The following MROH9 variants were observed in gnomAD, a reference collection of about 807,000 sequenced individuals.
MROH9 encodes the protein maestro heat-like repeat-containing protein family member 9.
In MROH9, 92 loss-of-function variants were observed where a neutral mutation model predicts 98.2. The ratio of observed to expected loss-of-function variants is 0.94; its 90% CI spans 0.79 to 1.11. MROH9 has a LOEUF of 1.11. Ranked by LOEUF, MROH9 falls within the 50% of genes most tolerant of loss-of-function variation. The pLI is 0.00. For missense variants in MROH9, 1,057 were observed against 1,014.8 expected (o/e 1.04, Z -0.57); for synonymous variants, 397 against 368.9 (o/e 1.08, Z -0.87).
At chr1:170,970,406 G>A (rs1333531035) in intron 7 of MROH9, among the ~76,000 whole-genome samples, 1 of 151,760 alleles carries the variant, frequency 6.6e-6, no homozygotes, top group Non-Finnish European at 1.5e-5. Flanking sequence ...AAAAAACTTG[G>A]AATGCAAACC....
chr1:170,968,575 A>G (rs1037436671), intron 7 of MROH9, among the ~76,000 whole-genome samples: 2 of 152,074 alleles, frequency 1.3e-5, no homozygotes, highest in Non-Finnish European at 2.9e-5. Flanking sequence ...AAATAAAGAA[A>G]AAATTACTAT....
intron 1 of MROH9, among the ~76,000 whole-genome samples, chr1:170,942,965 G>A (rs924738763): frequency 1.3e-5 from 2 of 152,088 alleles, no homozygotes; most frequent in Non-Finnish European, 2.9e-5. Flanking sequence ...AAAGCCAAAA[G>A]AGCAAATTTA....
At chr1:171,013,075 T>G (rs1652214767) in intron 15 of MROH9, among the ~76,000 whole-genome samples, 1 of 152,190 alleles carries the variant, frequency 6.6e-6, no homozygotes, top group Non-Finnish European at 1.5e-5. Context: ...CCTTTGCACA[T>G]GGTTCACCAT....
At chr1:171,064,026 G>C (rs1654092751) in intron 21 of MROH9, 73 bp from the exon 22 acceptor site, 7 of 1,415,022 alleles carry the variant, frequency 4.9e-6, no homozygotes, top group Non-Finnish European at 6.6e-6. Flanking sequence ...AGGTGGCAGG[G>C]CTGTTTAGTA....
At chr1:170,959,814 G>A (rs562131868) in intron 5 of MROH9, among the ~76,000 whole-genome samples, 6 of 152,286 alleles carry the variant, frequency 3.9e-5, no homozygotes, top group African/African-American at 9.6e-5. Flanking sequence ...GCAAATAGGC[G>A]AAGATATTTT....
At chr1:171,025,565 T>C (rs896154482) in intron 20 of MROH9, 145 bp downstream of exon 20, 35 of 593,678 alleles carry the variant, frequency 5.9e-5, no homozygotes, top group Middle Eastern at 4.5e-4. Flanking sequence ...GGTTGATACG[T>C]GTGATGAGAA....
intron 2 of MROH9, 132 bp downstream of exon 2, chr1:170,945,713 C>T: frequency 1.4e-6 from 1 of 715,156 alleles, no homozygotes; most frequent in South Asian, 2.7e-5. Context: ...ACCTTTTTTC[C>T]CTAATGCCCG....
chr1:171,064,197 G>A lies in MROH9; in HGVS notation c.2443G>A (p.Ala815Thr), dbSNP rs377159950. 21 of 1,551,382 alleles carry A rather than the reference G, an allele frequency of 1.4e-5. No homozygotes were observed. In the African/African-American group the frequency reaches 2.9e-4, roughly 21 times the overall value. Residue 815 changes from alanine to threonine, a missense_variant, in exon 22 of 22, where the codon GCA becomes ACA. Coordinates refer to ENST00000367759, the MANE Select transcript of MROH9 (RefSeq NM_001163629.2). ...FKKKAHKLTSAPLKQNFQKLL... is the reference protein window; with the variant it reads ...FKKKAHKLTSTPLKQNFQKLL... ...GAAAAAAGCCCATAAACTGACCTCT[G>A]CACCTCTTAAACAAAACTTCCAAAA...
At chr1:170,978,193 A>G (rs1354990513) in intron 8 of MROH9, among the ~76,000 whole-genome samples, 3 of 152,086 alleles carry the variant, frequency 2.0e-5, no homozygotes, top group Admixed American at 6.6e-5. Flanking sequence ...GCTTGGGGTT[A>G]TGCTTGTTGG....
intron 8 of MROH9, among the ~76,000 whole-genome samples, chr1:170,980,037 G>A (rs1650869533): frequency 6.6e-6 from 1 of 152,066 alleles, no homozygotes; most frequent in Non-Finnish European, 1.5e-5. Flanking sequence ...CAAAGGATGT[G>A]AAGGACCTCT....
chr1:170,970,702 C>CTGTGTGTGTGTGTG lies in MROH9; in HGVS notation c.481-1029_481-1016dup, dbSNP rs3980698. Among the ~76,000 whole-genome samples, 385 of 118,454 alleles carry CTGTGTGTGTGTGTG rather than the reference C, an allele frequency of 3.3e-3. 3 individuals carry two copies. Among genetic ancestry groups the CTGTGTGTGTGTGTG allele is most frequent in the Middle Eastern group, 0.01 (2 of 200 alleles). The allele number at this position is 118,454 out of a possible 152,430, so 77.7% of individuals were successfully genotyped here. A position where few individuals can be genotyped will look rare whatever the true frequency, so the allele number is the denominator to read the frequency against. On this transcript the variant is annotated intron_variant, in intron 7 of 21. Coordinates refer to ENST00000367759, the MANE Select transcript of MROH9 (RefSeq NM_001163629.2). Reference sequence around the variant, plus strand: ...CTTCATATTTCTTCCTTAGGAATTTCTGTGTGTGTGTGTGTGTGTGTGTGT... The same window carrying CTGTGTGTGTGTGTG: ...CTTCATATTTCTTCCTTAGGAATTTCTGTGTGTGTGTGTGTGTGTGTGTGTGTGTGTGTGTGTGT...
At position 170,971,902 on chromosome 1, in the gene MROH9, C is replaced by T; in HGVS notation, c.616+19C>T. 4 of 1,611,010 alleles carry T rather than the reference C, an allele frequency of 2.5e-6. No homozygotes were observed. The highest frequency in any genetic ancestry group is 2.5e-6 in the Non-Finnish European group (3 of 1,177,546). Reference sequence around the variant, plus strand: ...CAGAACGGTAAGAACAGTTCACCATCTTTTCTCAGGATTACTAAGAATATG... The same window carrying T: ...CAGAACGGTAAGAACAGTTCACCATTTTTTCTCAGGATTACTAAGAATATG... On this transcript the variant is annotated intron_variant, in intron 8 of 21. Coordinates refer to ENST00000367759, the MANE Select transcript of MROH9 (RefSeq NM_001163629.2).
At chr1:170,958,182 C>T (rs758145274) in intron 3 of MROH9, among the ~76,000 whole-genome samples, 2 of 152,128 alleles carry the variant, frequency 1.3e-5, no homozygotes, top group Non-Finnish European at 2.9e-5. Flanking sequence ...TACAGAAGTG[C>T]ATCTGGTAAA....
At chr1:170,942,854 C>T (rs1264648799) in intron 1 of MROH9, among the ~76,000 whole-genome samples, 2 of 152,094 alleles carry the variant, frequency 1.3e-5, no homozygotes, top group East Asian at 3.9e-4. Flanking sequence ...CAAGAAATCA[C>T]ACAAACAAGC....
At chr1:171,061,697 G>A (rs548105324) in intron 20 of MROH9, among the ~76,000 whole-genome samples, 1 of 152,288 alleles carries the variant, frequency 6.6e-6, no homozygotes, top group African/African-American at 2.4e-5. Flanking sequence ...GCTAGCCTCT[G>A]CCATGTAGCA....
chr1:171,042,194 A>C (rs965948718), intron 20 of MROH9, among the ~76,000 whole-genome samples: 1 of 151,942 alleles, frequency 6.6e-6, no homozygotes, highest in Non-Finnish European at 1.5e-5. Flanking sequence ...TGTGAGTTCC[A>C]TTATTTTGAT....
intron 13 of MROH9, among the ~76,000 whole-genome samples, chr1:170,996,289 G>T (rs1053230289): frequency 2.6e-5 from 4 of 152,152 alleles, no homozygotes; most frequent in Non-Finnish European, 5.9e-5. Context: ...TTCTGCGATT[G>T]ATGCTAGATT....
At chr1:170,937,180 C>A (rs1021336020) in intron 1 of MROH9, among the ~76,000 whole-genome samples, 1 of 152,166 alleles carries the variant, frequency 6.6e-6, no homozygotes, top group Non-Finnish European at 1.5e-5. Flanking sequence ...CTTACACATT[C>A]TTTAATTTCT....
At chr1:170,947,615 C>G in intron 3 of MROH9, 42 bp downstream of exon 3, 1 of 1,539,266 alleles carries the variant, frequency 6.5e-7, no homozygotes, top group Non-Finnish European at 8.9e-7. Flanking sequence ...ACTGAATTCT[C>G]TTGGAAAAAA....
Sources: gnomAD v4.1 joint callset for allele counts (sites outside exome capture counted in the v4.1 genomes callset) on GRCh38, gnomAD v4.1.1 for gene constraint, MANE v1.5 for transcripts, NCBI Gene and HGNC (gene_info 2026-07-23, HGNC 2026-07-21) for gene names.